Variants in AKAP19 observed in about 807,000 individuals in gnomAD.
The protein encoded by AKAP19 is A-kinase anchoring protein 19, also known as small A-kinase anchoring protein.
At chr2:190,044,220 G>A in the AKAP19 span, among the ~76,000 whole-genome samples, 1 of 152,134 alleles carries the variant, frequency 6.6e-6, no homozygotes, top group African/African-American at 2.4e-5. Flanking sequence ...CCCCAGCTTG[G>A]AGGCAGAGAG....
the AKAP19 span, among the ~76,000 whole-genome samples, chr2:190,038,968 TTCTTTC>T: frequency 6.8e-5 from 10 of 146,432 alleles, no homozygotes; most frequent in East Asian, 2.0e-4. Flanking sequence ...CTTCTTCTTC[TTCTTTC>T]TTCTTCTTCT....
chr2:189,984,915 C>T, the AKAP19 span, among the ~76,000 whole-genome samples: 1 of 152,000 alleles, frequency 6.6e-6, no homozygotes, highest in South Asian at 2.1e-4. Flanking sequence ...CAAGAGTACA[C>T]AAGCAGAGTG....
the AKAP19 span, among the ~76,000 whole-genome samples, chr2:190,031,768 G>A: frequency 1.3e-5 from 2 of 152,108 alleles, no homozygotes; most frequent in African/African-American, 4.8e-5. Flanking sequence ...TGCTTAAAAG[G>A]GCTTGGCAAA....
At chr2:189,963,719 A>G in the AKAP19 span, among the ~76,000 whole-genome samples, 1 of 151,996 alleles carries the variant, frequency 6.6e-6, no homozygotes, top group Admixed American at 6.6e-5. Flanking sequence ...GCCCAGGTCC[A>G]TCAGATAAAT....
the AKAP19 span, among the ~76,000 whole-genome samples, chr2:190,166,161 T>C: frequency 1.3e-5 from 2 of 151,792 alleles, no homozygotes; most frequent in African/African-American, 4.8e-5. Context: ...AAAGCAGTTA[T>C]TTAAAATATG....
the AKAP19 span, among the ~76,000 whole-genome samples, chr2:190,012,675 A>G: frequency 6.6e-6 from 1 of 152,172 alleles, no homozygotes; most frequent in Non-Finnish European, 1.5e-5. Context: ...AATGGGCATC[A>G]TTGTCTTGTT....
At chr2:190,120,135 A>G in the AKAP19 span, among the ~76,000 whole-genome samples, 15 of 152,324 alleles carry the variant, frequency 9.8e-5, no homozygotes, top group South Asian at 1.0e-3. Context: ...GTTTGTTTAC[A>G]GCCTGAGCTC....
At chr2:190,163,455 C>CAAAAAAAA in the AKAP19 span, among the ~76,000 whole-genome samples, 42 of 136,648 alleles carry the variant, frequency 3.1e-4, no homozygotes, top group African/African-American at 1.1e-3. Context: ...AAACAAAAAA[C>CAAAAAAAA]AAAAAAAAAA....
At chr2:189,923,671 T>C in the AKAP19 span, 45,360 of 1,613,318 alleles carry the variant, frequency 0.028, no homozygotes, top group Non-Finnish European at 0.032. Context: ...TTGACTTGGA[T>C]TGTGACTTTC....
chr2:190,092,004 C>T, the AKAP19 span, among the ~76,000 whole-genome samples: 1 of 152,038 alleles, frequency 6.6e-6, no homozygotes, highest in Admixed American at 6.6e-5. Flanking sequence ...TATTTTTACA[C>T]ATTTTTAAAT....
At chr2:189,909,693 T>C in the AKAP19 span, among the ~76,000 whole-genome samples, 1 of 152,212 alleles carries the variant, frequency 6.6e-6, no homozygotes, top group Non-Finnish European at 1.5e-5. Context: ...ATATCATGAA[T>C]CCATTTACAA....
the AKAP19 span, among the ~76,000 whole-genome samples, chr2:190,014,784 G>A: frequency 3.3e-5 from 5 of 152,082 alleles, no homozygotes; most frequent in Non-Finnish European, 7.4e-5. Flanking sequence ...TACAGGCATT[G>A]GATAATTGCT....
At chr2:190,055,439 C>T in the AKAP19 span, among the ~76,000 whole-genome samples, 3 of 151,970 alleles carry the variant, frequency 2.0e-5, no homozygotes, top group Non-Finnish European at 4.4e-5. Context: ...TGTAACAAAC[C>T]TGCACGTTGT....
At chr2:190,177,692 T>C in the AKAP19 span, among the ~76,000 whole-genome samples, 1 of 152,184 alleles carries the variant, frequency 6.6e-6, no homozygotes, top group Non-Finnish European at 1.5e-5. This position sits in a 1 kb window ranked among gnomAD's most constrained non-coding sequence, Gnocchi z 4.6. Context: ...CTGTGGTCTG[T>C]CTGTCTGACG....
the AKAP19 span, among the ~76,000 whole-genome samples, chr2:190,167,243 G>A: frequency 6.6e-6 from 1 of 152,096 alleles, no homozygotes; most frequent in African/African-American, 2.4e-5. Context: ...AGCTTGGGTA[G>A]GGAAACTCCC....
the AKAP19 span, among the ~76,000 whole-genome samples, chr2:190,000,423 T>C: frequency 4.6e-5 from 7 of 152,210 alleles, no homozygotes; most frequent in Non-Finnish European, 7.3e-5. Context: ...AAAAGTTTGC[T>C]TTGTTATTTT....
chr2:190,056,783 A>G, the AKAP19 span: 13 of 164,684 alleles, frequency 7.9e-5, no homozygotes, highest in Admixed American at 6.9e-4. Context: ...GTGGAATTTT[A>G]TCTTACCAAG....
At chr2:190,060,343 G>T in the AKAP19 span, 286 of 1,612,472 alleles carry the variant, frequency 1.8e-4, no homozygotes, top group East Asian at 6.4e-3. Context: ...TATATCCATA[G>T]TTGGGCCTTT....
At chr2:189,984,112 G>T in the AKAP19 span, among the ~76,000 whole-genome samples, 1 of 152,142 alleles carries the variant, frequency 6.6e-6, no homozygotes, top group Non-Finnish European at 1.5e-5. Flanking sequence ...TGAAGTTTCA[G>T]GTACCATTGT....
Sources: gnomAD v4.1 joint callset for allele counts (sites outside exome capture counted in the v4.1 genomes callset) on GRCh38, gnomAD v4.1.1 for gene constraint, Gnocchi (gnomAD v3.1) non-coding constraint, MANE v1.5 for transcripts, NCBI Gene and HGNC (gene_info 2026-07-23, HGNC 2026-07-21) for gene names.